MAP3K2: variants seen among roughly 807,000 people sequenced by gnomAD.
MAP3K2 encodes MAP/ERK kinase kinase 2.
Under a neutral mutation model 80.3 loss-of-function variants are expected in MAP3K2, and 24 were observed. That is an observed-to-expected ratio of 0.30 (90% CI 0.22 to 0.42). The LOEUF (loss-of-function observed/expected upper bound fraction) is 0.42, where lower values mean the gene tolerates loss of function less well. Ranked by LOEUF, MAP3K2 falls within the 10% of genes least tolerant of loss-of-function variation. The pLI is 1.00. For missense variants in MAP3K2, 608 were observed against 750.1 expected (o/e 0.81, Z 2.21); for synonymous variants, 244 against 253.7 (o/e 0.96, Z 0.36).
chr2:127,355,326 C>T (rs1462388662), intron 1 of MAP3K2, among the ~76,000 whole-genome samples: 1 of 152,042 alleles, frequency 6.6e-6, no homozygotes, highest in East Asian at 1.9e-4. Context: ...AGGAATAATG[C>T]AAACGAGAAG....
chr2:127,308,462 G>A (rs755131192), intron 16 of MAP3K2, 123 bp downstream of exon 16: 2 of 825,180 alleles, frequency 2.4e-6, no homozygotes, highest in Non-Finnish European at 3.7e-6. Flanking sequence ...GTTAATCTTC[G>A]CAATTCTTAC....
chr2:127,387,984 T>C (rs1398250286), upstream of MAP3K2: 2 of 983,886 alleles, frequency 2.0e-6, no homozygotes, highest in Non-Finnish European at 2.4e-6. Flanking sequence ...ACGTCGGGCG[T>C]AGCGCGGCGC....
intron 12 of MAP3K2, among the ~76,000 whole-genome samples, chr2:127,318,837 A>G (rs1438318880): frequency 6.6e-6 from 1 of 152,220 alleles, no homozygotes; most frequent in African/African-American, 2.4e-5. Flanking sequence ...TGGTACCTCC[A>G]AGGAGAGACA....
Position 127,322,182 on chromosome 2 carries a change from A to T in MAP3K2, c.909T>A (p.Pro303=). Residue 303 remains proline (P), a synonymous_variant, in exon 12 of 17, where the codon CCT becomes CCA. Coordinates refer to ENST00000682094, the MANE Select transcript of MAP3K2 (RefSeq NM_001371910.2). The surrounding 1 kb of genome is among the most constrained non-coding windows in gnomAD (Gnocchi z 4.2). ...TSLRSPVSFS[P]TDHSLSTSSG... ...TACTAGTGCTTAAGGAATGATCAGT[A>T]GGACTGAAACTCACAGGAGACCGTA... The T allele has an allele frequency of 6.2e-7, 1 of 1,613,986 alleles. No homozygotes were observed. The highest frequency in any genetic ancestry group is 8.5e-7 in the Non-Finnish European group (1 of 1,179,858).
At chr2:127,375,908 G>GA (rs112212109) in intron 1 of MAP3K2, among the ~76,000 whole-genome samples, 69 of 146,118 alleles carry the variant, frequency 4.7e-4, no homozygotes, top group Admixed American at 1.2e-3. Flanking sequence ...TCCTTGATTG[G>GA]AAAAAAAAAA....
intron 7 of MAP3K2, among the ~76,000 whole-genome samples, chr2:127,327,597 T>G: frequency 6.6e-6 from 1 of 151,836 alleles, no homozygotes; most frequent in Admixed American, 6.6e-5. Flanking sequence ...AAATTTTGTC[T>G]CCTTATTTGA....
At chr2:127,346,085 T>A (rs540734472) in intron 1 of MAP3K2, among the ~76,000 whole-genome samples, 1 of 149,886 alleles carries the variant, frequency 6.7e-6, no homozygotes, top group Non-Finnish European at 1.5e-5. Flanking sequence ...TAACAAACTT[T>A]TAGCTAATCA....
chr2:127,314,660 A>G, intron 15 of MAP3K2, 94 bp downstream of exon 15: 1 of 984,762 alleles, frequency 1.0e-6, no homozygotes, highest in Non-Finnish European at 1.5e-6. Flanking sequence ...TCAGAGACAG[A>G]TGAATTAATG....
rs1413086731 is a variant in MAP3K2, at chr2:127,385,440, T to C, written c.-66+2012A>G. 3.3e-5 allele frequency among the ~76,000 whole-genome samples: 5 copies of C among 152,324 alleles called. No homozygotes were observed. The South Asian group carries it at 6.2e-4, about 19-fold the overall frequency. On this transcript the variant is annotated intron_variant, in intron 1 of 16. Coordinates refer to ENST00000682094, the MANE Select transcript of MAP3K2 (RefSeq NM_001371910.2). ...TTAGACATAATGCCATTGCACACAA[T>C]AGACTACAGTATATTGTAAACATAA...
chr2:127,316,760 G>A (rs2104813787), intron 14 of MAP3K2: 1 of 152,288 alleles, frequency 6.6e-6, no homozygotes, highest in East Asian at 1.9e-4. Context: ...AAAGTACACA[G>A]CTTCATCTAT....
rs1362122211 is a variant in MAP3K2 at position 127,322,605 on chromosome 2, CTTTTT to C, written c.839-358_839-354del. 6.6e-6 allele frequency among the ~76,000 whole-genome samples: 1 copy of C among 151,800 alleles called. No individual in the cohort carries two copies. Among genetic ancestry groups the C allele is most frequent in the Non-Finnish European group, 1.5e-5 (1 of 67,922 alleles). On this transcript the variant is annotated intron_variant, in intron 11 of 16. Transcript: ENST00000682094. This position sits in a 1 kb window ranked among gnomAD's most constrained non-coding sequence, Gnocchi z 4.2. ...TCACAGGTAGTAATTTTTTTCTTTTCTTTTTGAGATGGAGTTTCACTCTTGTTGCC... is the reference window on the plus strand; with the variant it reads ...TCACAGGTAGTAATTTTTTTCTTTTCGAGATGGAGTTTCACTCTTGTTGCC...
chr2:127,331,852 C>T (rs1007641198), intron 5 of MAP3K2, among the ~76,000 whole-genome samples: 2 of 152,168 alleles, frequency 1.3e-5, no homozygotes, highest in South Asian at 2.1e-4. Flanking sequence ...ATTATCTGCC[C>T]GCCTGGGCCT....
At chr2:127,388,372 G>A (rs947370795), upstream of MAP3K2, 1 of 985,350 alleles carries the variant, frequency 1.0e-6, no homozygotes, top group African/African-American at 1.7e-5. Flanking sequence ...GGCAGTGACG[G>A]ACTGTGTGGC....
chr2:127,356,203 C>A (rs911332856), intron 1 of MAP3K2, among the ~76,000 whole-genome samples: 1 of 152,104 alleles, frequency 6.6e-6, no homozygotes, highest in Non-Finnish European at 1.5e-5. Flanking sequence ...TACCTCCTCC[C>A]ATGAATCACC....
intron 1 of MAP3K2, among the ~76,000 whole-genome samples, chr2:127,345,833 T>C (rs1416929551): frequency 2.0e-5 from 3 of 151,898 alleles, no homozygotes; most frequent in Non-Finnish European, 4.4e-5. Context: ...TGAAAACACA[T>C]CAAAACAAAA....
chr2:127,378,752 G>GTGTT (rs1483507226), intron 1 of MAP3K2, among the ~76,000 whole-genome samples: 4 of 151,974 alleles, frequency 2.6e-5, no homozygotes, highest in African/African-American at 9.7e-5. Context: ...TATGGTTTTT[G>GTGTT]TGTTTGTTTG....
chr2:127,357,978 C>G (rs567873516), intron 1 of MAP3K2, among the ~76,000 whole-genome samples: 1 of 152,006 alleles, frequency 6.6e-6, no homozygotes, highest in South Asian at 2.1e-4. Context: ...ATGCATTGAA[C>G]TTCAAAAATT....
At chr2:127,372,950 C>T (rs112695730) in intron 1 of MAP3K2, among the ~76,000 whole-genome samples, 5,152 of 152,326 alleles carry the variant, frequency 0.034, 125 homozygotes, top group Middle Eastern at 0.071. Flanking sequence ...GCCCCTTCAG[C>T]AGGGGCTCCC....
rs969273316 is a variant in MAP3K2 at position 127,330,487 on chromosome 2, T to C, written c.283A>G (p.Thr95Ala). ...TNNELVIPLT[T>A]QDDLDKAVEL... ...ACAGCTTTGTCCAAGTCATCTTGAGTAGTTAATGGAATTACCAACTAAAAA... is the reference window on the plus strand; with the variant it reads ...ACAGCTTTGTCCAAGTCATCTTGAGCAGTTAATGGAATTACCAACTAAAAA... The change falls in exon 6 of 17, where the codon ACT (threonine) becomes GCT (alanine). Residue 95 changes from threonine (T) to alanine (A), a missense_variant. Thr to Ala is a moderately conservative substitution (Grantham distance 58). Coordinates refer to ENST00000682094, the MANE Select transcript of MAP3K2 (RefSeq NM_001371910.2). The C allele has an allele frequency of 6.3e-7, 1 of 1,599,076 alleles. No individual in the cohort carries two copies. The highest frequency in any genetic ancestry group is 8.5e-7 in the Non-Finnish European group (1 of 1,169,814).
Sources: gnomAD v4.1 joint callset for allele counts (sites outside exome capture counted in the v4.1 genomes callset) on GRCh38, gnomAD v4.1.1 for gene constraint, Gnocchi (gnomAD v3.1) non-coding constraint, MANE v1.5 for transcripts, NCBI Gene and HGNC (gene_info 2026-07-23, HGNC 2026-07-21) for gene names.